GPC5: variants seen among roughly 807,000 people sequenced by gnomAD.
The protein encoded by GPC5 is glypican-5.
A neutral mutation model predicts 53.9 loss-of-function variants in GPC5; 47 were observed. The observed-to-expected ratio is 0.87, with a 90% CI of 0.69 to 1.11. The LOEUF is 1.11. Ranked by LOEUF, GPC5 falls within the 50% of genes most tolerant of loss-of-function variation. The pLI is 0.00. For synonymous variants in GPC5, 286 were observed against 263.3 expected (o/e 1.09, Z -0.84); for missense variants, 748 against 713.1 (o/e 1.05, Z -0.56).
chr13:92,502,377 T>A (rs1296655058), intron 7 of GPC5, among the ~76,000 whole-genome samples: 3 of 151,782 alleles, frequency 2.0e-5, no homozygotes, highest in Non-Finnish European at 4.4e-5. Context: ...AGCATATCAA[T>A]AAATACTAAA....
chr13:92,301,694 T>G (rs1380662534), intron 7 of GPC5, among the ~76,000 whole-genome samples: 1 of 151,786 alleles, frequency 6.6e-6, no homozygotes, highest in Non-Finnish European at 1.5e-5. Flanking sequence ...CAAGACCACC[T>G]GGACAACATG....
chr13:92,849,095 T>A (rs1035857804), intron 7 of GPC5, among the ~76,000 whole-genome samples: 1 of 152,100 alleles, frequency 6.6e-6, no homozygotes, highest in Admixed American at 6.5e-5. Flanking sequence ...CTTAATTATG[T>A]TACATAGTCC....
chr13:92,733,833 G>A lies in GPC5; in HGVS notation c.1562-132449G>A, dbSNP rs1194892508. ...ATAAAATCATATGACATTCAGTTAA[G>A]CTATGACAGGCCATCAGTTCTTTTA... On this transcript the variant is annotated intron_variant, in intron 7 of 7. Transcript: ENST00000377067. 2.0e-5 allele frequency among the ~76,000 whole-genome samples: 3 copies of A among 151,614 alleles called. No homozygotes were observed. The Admixed American group carries it at 2.0e-4, about 10-fold the overall frequency.
intron 5 of GPC5, among the ~76,000 whole-genome samples, chr13:91,773,476 T>C (rs184489654): frequency 6.6e-6 from 1 of 152,162 alleles, no homozygotes. Context: ...AGAAGGAAAA[T>C]TCATGGTTTA....
chr13:91,690,056 T>TATGATGGCAATGATGTC, intron 2 of GPC5, among the ~76,000 whole-genome samples: 1 of 152,336 alleles, frequency 6.6e-6, no homozygotes, highest in South Asian at 2.1e-4. Flanking sequence ...ACTATGATGT[T>TATGATGGCAATGATGTC]ATGATGGCTA....
At chr13:91,913,400 A>G (rs868267785) in intron 6 of GPC5, among the ~76,000 whole-genome samples, 1 of 151,728 alleles carries the variant, frequency 6.6e-6, no homozygotes, top group Admixed American at 6.6e-5. Context: ...CTCTGTCAAA[A>G]AAAAAAAAAA....
intron 2 of GPC5, among the ~76,000 whole-genome samples, chr13:91,469,328 C>A (rs543102212): frequency 1.3e-5 from 2 of 152,090 alleles, no homozygotes; most frequent in African/African-American, 4.8e-5. Context: ...GGGCTAGTGT[C>A]GAACTTCTGG....
intron 7 of GPC5, among the ~76,000 whole-genome samples, chr13:92,768,537 G>A (rs1469323728): frequency 6.6e-6 from 1 of 151,980 alleles, no homozygotes; most frequent in Non-Finnish European, 1.5e-5. Context: ...TTCCTGCACT[G>A]GGTTCAAGCA....
chr13:91,970,211 C>T (rs1218254830), intron 6 of GPC5, among the ~76,000 whole-genome samples: 1 of 152,026 alleles, frequency 6.6e-6, no homozygotes, highest in East Asian at 1.9e-4. Flanking sequence ...ATATGTGGAA[C>T]CTAAAAAAGG....
At chr13:92,410,249 C>T (rs116061617) in intron 7 of GPC5, among the ~76,000 whole-genome samples, 2,466 of 152,256 alleles carry the variant, frequency 0.016, 62 homozygotes, top group African/African-American at 0.056. Flanking sequence ...AATCTAACAG[C>T]GGCTCCATGT....
At chr13:91,923,215 T>C (rs1238994030) in intron 6 of GPC5, among the ~76,000 whole-genome samples, 2 of 152,196 alleles carry the variant, frequency 1.3e-5, no homozygotes, top group African/African-American at 4.8e-5. Flanking sequence ...TTCTCACCTT[T>C]CTGCAGGTAC....
intron 7 of GPC5, among the ~76,000 whole-genome samples, chr13:92,811,819 G>A (rs145943750): frequency 6.6e-6 from 1 of 151,962 alleles, no homozygotes; most frequent in African/African-American, 2.4e-5. Context: ...ATACTTTTGA[G>A]TATGGAAATC....
At chr13:91,865,336 A>G (rs1430101273) in intron 5 of GPC5, among the ~76,000 whole-genome samples, 1 of 152,190 alleles carries the variant, frequency 6.6e-6, no homozygotes, top group Non-Finnish European at 1.5e-5. Context: ...TCTCTTAAAA[A>G]AAATGTATCT....
chr13:92,608,040 C>G (rs1884311826), intron 7 of GPC5, among the ~76,000 whole-genome samples: 2 of 152,076 alleles, frequency 1.3e-5, no homozygotes, highest in African/African-American at 4.8e-5. Context: ...TTTCTTTTCT[C>G]TAGCTTACTT....
At chr13:91,989,425 A>G (rs563168610) in intron 6 of GPC5, among the ~76,000 whole-genome samples, 29 of 152,342 alleles carry the variant, frequency 1.9e-4, no homozygotes, top group South Asian at 6.2e-4. Flanking sequence ...CCTGCAAAAG[A>G]CAATGCCAGG....
chr13:92,619,292 T>C (rs1884796034), intron 7 of GPC5, among the ~76,000 whole-genome samples: 1 of 151,980 alleles, frequency 6.6e-6, no homozygotes, highest in Admixed American at 6.6e-5. Context: ...CATTTCTTCA[T>C]AGCCTTGATA....
At chr13:91,464,292 G>A (rs1431655182) in intron 2 of GPC5, among the ~76,000 whole-genome samples, 1 of 152,060 alleles carries the variant, frequency 6.6e-6, no homozygotes, top group Non-Finnish European at 1.5e-5. Flanking sequence ...AATATAAAAT[G>A]GCACAGTCTG....
chr13:91,632,874 G>A (rs1388680139), intron 2 of GPC5, among the ~76,000 whole-genome samples: 1 of 152,094 alleles, frequency 6.6e-6, no homozygotes, highest in Non-Finnish European at 1.5e-5. Context: ...AGGTAGTTCA[G>A]CTGAAACCCG....
At chr13:91,544,525 A>G (rs1350989449) in intron 2 of GPC5, among the ~76,000 whole-genome samples, 3 of 152,236 alleles carry the variant, frequency 2.0e-5, no homozygotes, top group Non-Finnish European at 4.4e-5. Flanking sequence ...TAAGGTACAC[A>G]TCAACATACA....
Sources: gnomAD v4.1 joint callset for allele counts (sites outside exome capture counted in the v4.1 genomes callset) on GRCh38, gnomAD v4.1.1 for gene constraint, MANE v1.5 for transcripts, NCBI Gene and HGNC (gene_info 2026-07-23, HGNC 2026-07-21) for gene names.